ETS1: variants seen among roughly 807,000 people sequenced by gnomAD.
ETS1 encodes the protein protein C-ets-1.
ETS1 carries 15 observed loss-of-function variants against 58.6 expected under a neutral mutation model. The ratio of observed to expected loss-of-function variants is 0.26; its 90% CI spans 0.17 to 0.39. The LOEUF (loss-of-function observed/expected upper bound fraction) is 0.39. Among genes scored for constraint, ETS1 ranks in the 10% least tolerant of loss-of-function variants. The pLI is 1.00. For missense variants in ETS1, 417 were observed against 610.5 expected, an observed-to-expected ratio of 0.68 and a Z score of 3.34; for synonymous variants, 214 against 218.2, an observed-to-expected ratio of 0.98 and a Z score of 0.17.
intron 3 of ETS1, among the ~76,000 whole-genome samples, chr11:128,528,233 G>A (rs1863836380): frequency 6.6e-6 from 1 of 152,156 alleles, no homozygotes; most frequent in Non-Finnish European, 1.5e-5. Flanking sequence ...GTCTTGCATG[G>A]CCAACAGTCA....
At chr11:128,466,892 G>A (rs978860843) in intron 8 of ETS1, among the ~76,000 whole-genome samples, 58 of 152,134 alleles carry the variant, frequency 3.8e-4, no homozygotes, top group African/African-American at 1.4e-3. Flanking sequence ...TAATAGGACA[G>A]TCAACATAAC....
intron 2 of ETS1, among the ~76,000 whole-genome samples, chr11:128,569,318 C>CTTTTTTTTCTTTTTTTTTTTTTT: frequency 2.5e-5 from 1 of 39,462 alleles, no homozygotes; most frequent in Non-Finnish European, 4.5e-5. Context: ...AGAGTTTCTT[C>CTTTTTTTTCTTTTTTTTTTTTTT]TTTTTTTTTT....
chr11:128,463,781 TTATGAGC>T lies in ETS1; in HGVS notation c.1124-161_1124-155del. ...GACAGTGCACATGTCGGAGGAAGTG[TTATGAGC>T]TCGAACAGATAGAAAAGACAAAGGC... is the stretch of plus-strand genomic sequence containing the variant. On this transcript the variant is annotated intron_variant, in intron 8 of 9. Transcript: ENST00000392668. The surrounding 1 kb of genome is among the most constrained non-coding windows in gnomAD (Gnocchi z 4.1). 1.8e-6 allele frequency: 1 copy of T among 569,450 alleles called. No homozygotes were observed. Among genetic ancestry groups the T allele is most frequent in the Non-Finnish European group, 3.2e-6 (1 of 313,274 alleles). 35.3% of individuals were successfully genotyped at this position (569,450 alleles called of 1,614,324 possible).
chr11:128,496,362 T>C (rs1350570152), intron 3 of ETS1, among the ~76,000 whole-genome samples: 1 of 152,034 alleles, frequency 6.6e-6, no homozygotes, highest in East Asian at 1.9e-4. Context: ...ATATTTCCTC[T>C]TAATGGTCAA....
chr11:128,497,258 A>G (rs1862968800), intron 3 of ETS1, among the ~76,000 whole-genome samples: 1 of 152,204 alleles, frequency 6.6e-6, no homozygotes, highest in Non-Finnish European at 1.5e-5. Context: ...GCCAATGCAC[A>G]CAGTCACTAG....
At chr11:128,538,563 T>C (rs1864004802) in intron 3 of ETS1, among the ~76,000 whole-genome samples, 1 of 152,212 alleles carries the variant, frequency 6.6e-6, no homozygotes, top group Non-Finnish European at 1.5e-5. Context: ...TGGCAAGTTA[T>C]TTCAACTACA....
chr11:128,541,589 AG>A (rs1864058801), intron 3 of ETS1, among the ~76,000 whole-genome samples: 1 of 152,160 alleles, frequency 6.6e-6, no homozygotes, highest in South Asian at 2.1e-4. Context: ...ATTACTGCAA[AG>A]TTTGTGTTGT....
Position 128,580,176 on chromosome 11 carries a change from TAAAAAAAAA to T in ETS1, c.-14-7041_-14-7033del, listed in dbSNP as rs140049360. Among the ~76,000 whole-genome samples, 200 of 102,374 alleles carry T rather than the reference TAAAAAAAAA, an allele frequency of 2.0e-3. 1 individual carries two copies. The highest frequency in any genetic ancestry group is 0.013 in the East Asian group (48 of 3,744). 67.2% of individuals were successfully genotyped at this position (102,374 alleles called of 152,430 possible). On this transcript the variant is annotated intron_variant, in intron 1 of 9. Coordinates refer to ENST00000392668, the MANE Select transcript of ETS1 (RefSeq NM_001143820.2). ...AGAGAGTAAGTTATCGTTTGGACAT[TAAAAAAAAA>T]AAAAAAAAAAAAAAAAATCCCTGTG...
At chr11:128,494,018 TATA>T (rs1862873228) in intron 3 of ETS1, among the ~76,000 whole-genome samples, 2 of 152,346 alleles carry the variant, frequency 1.3e-5, no homozygotes, top group African/African-American at 4.8e-5. Flanking sequence ...CATCACCTAT[TATA>T]ATATTTTTAC....
chr11:128,509,508 T>C (rs1258758814), intron 3 of ETS1, among the ~76,000 whole-genome samples: 1 of 151,990 alleles, frequency 6.6e-6, no homozygotes, highest in Non-Finnish European at 1.5e-5. Flanking sequence ...CTTTCATGTG[T>C]CTACTTTGGA....
At chr11:128,546,857 A>T (rs574965126) in intron 3 of ETS1, among the ~76,000 whole-genome samples, 4 of 152,256 alleles carry the variant, frequency 2.6e-5, no homozygotes, top group African/African-American at 9.6e-5. Context: ...TGTGCACTAG[A>T]AAGGCCATGA....
intron 2 of ETS1, among the ~76,000 whole-genome samples, chr11:128,564,119 T>C (rs533070128): frequency 6.6e-6 from 1 of 152,208 alleles, no homozygotes; most frequent in Admixed American, 6.5e-5. Flanking sequence ...CTGGGGCACA[T>C]CTGTTCAGAG....
intron 2 of ETS1, among the ~76,000 whole-genome samples, chr11:128,565,368 T>G (rs1454281701): frequency 6.6e-6 from 1 of 152,230 alleles, no homozygotes; most frequent in Non-Finnish European, 1.5e-5. Flanking sequence ...TGCCTTGATC[T>G]TGAACATTCC....
At chr11:128,529,810 T>C (rs1279196806) in intron 3 of ETS1, among the ~76,000 whole-genome samples, 1 of 152,202 alleles carries the variant, frequency 6.6e-6, no homozygotes, top group African/African-American at 2.4e-5. Context: ...TTAGGCATCC[T>C]TCAATGAGCA....
intron 8 of ETS1, among the ~76,000 whole-genome samples, chr11:128,468,688 T>C (rs1035840197): frequency 1.3e-5 from 2 of 152,176 alleles, no homozygotes; most frequent in African/African-American, 4.8e-5. Context: ...AGTCTCCTCA[T>C]ATTTCCATAG....
chr11:128,572,969 TTC>T, intron 2 of ETS1, 91 bp downstream of exon 2: 1 of 964,264 alleles, frequency 1.0e-6, no homozygotes, highest in Non-Finnish European at 1.6e-6. Flanking sequence ...GGTTCCTGGC[TTC>T]TCTGTCTACT....
At chr11:128,513,751 G>A (rs1320708348) in intron 3 of ETS1, among the ~76,000 whole-genome samples, 1 of 152,136 alleles carries the variant, frequency 6.6e-6, no homozygotes, top group African/African-American at 2.4e-5. Context: ...TTCTTAAAGG[G>A]TATTTCAAAA....
chr11:128,474,276 A>C (rs1273794288), intron 8 of ETS1, among the ~76,000 whole-genome samples: 3 of 152,206 alleles, frequency 2.0e-5, no homozygotes, highest in Non-Finnish European at 4.4e-5. Flanking sequence ...GACTGCTTGC[A>C]AGGTATTACC....
At chr11:128,566,652 G>A (rs538392582) in intron 2 of ETS1, among the ~76,000 whole-genome samples, 9 of 151,960 alleles carry the variant, frequency 5.9e-5, no homozygotes, top group Admixed American at 4.6e-4. Flanking sequence ...GCACGGTGGT[G>A]GGCGCCTGTA....
Sources: gnomAD v4.1 joint callset for allele counts (sites outside exome capture counted in the v4.1 genomes callset) on GRCh38, gnomAD v4.1.1 for gene constraint, Gnocchi (gnomAD v3.1) non-coding constraint, MANE v1.5 for transcripts, NCBI Gene and HGNC (gene_info 2026-07-23, HGNC 2026-07-21) for gene names.